SYNPR: variants seen among roughly 807,000 people sequenced by gnomAD.
The protein encoded by SYNPR is synaptoporin.
In SYNPR, 23 loss-of-function variants were observed where a neutral mutation model predicts 32.9. The ratio of observed to expected loss-of-function variants is 0.70; its 90% CI spans 0.50 to 0.99. The LOEUF is 0.99. Among genes scored for constraint, SYNPR ranks in the 50% least tolerant of loss-of-function variants. The probability of loss-of-function intolerance (pLI) is 0.00; values close to 1 mark genes in which losing one functional copy is unlikely to be tolerated. For synonymous variants in SYNPR, 146 were observed against 135.9 expected (o/e 1.07, Z -0.52); for missense variants, 318 against 349.3 (o/e 0.91, Z 0.71).
chr3:63,421,493 T>A lies in SYNPR; in HGVS notation c.85-59339T>A, dbSNP rs191343604. 4.2e-3 allele frequency among the ~76,000 whole-genome samples: 641 copies of A among 151,164 alleles called. 10 individuals are homozygous for A. Among genetic ancestry groups the A allele is most frequent in the Non-Finnish European group, 5.4e-3 (368 of 67,818 alleles). ...TGAGTGAGAAAATTCAGACTAAATATATATATATAATATTATTTCATTTGT... is the reference window on the plus strand; with the variant it reads ...TGAGTGAGAAAATTCAGACTAAATAAATATATATAATATTATTTCATTTGT... On this transcript the variant is annotated intron_variant, in intron 2 of 5. Transcript: ENST00000478300.
At chr3:63,406,324 A>G (rs1038480759) in intron 2 of SYNPR, among the ~76,000 whole-genome samples, 1 of 152,182 alleles carries the variant, frequency 6.6e-6, no homozygotes, top group Non-Finnish European at 1.5e-5. Flanking sequence ...AAGAAATGTA[A>G]AAAAGAAGGA....
chr3:63,226,239 T>C (rs748866735), upstream of SYNPR, among the ~76,000 whole-genome samples: 16 of 152,132 alleles, frequency 1.1e-4, no homozygotes, highest in Non-Finnish European at 1.9e-4. Context: ...GGAACTCTTA[T>C]ACATTGTTAG....
chr3:63,547,320 G>T (rs1702425513), intron 3 of SYNPR, among the ~76,000 whole-genome samples: 1 of 151,946 alleles, frequency 6.6e-6, no homozygotes, highest in South Asian at 2.1e-4. Context: ...CCAATTGCTG[G>T]AGTCTTCTCT....
intron 1 of SYNPR, among the ~76,000 whole-genome samples, chr3:63,251,655 C>T (rs982993105): frequency 6.6e-6 from 1 of 152,110 alleles, no homozygotes; most frequent in Non-Finnish European, 1.5e-5. Context: ...TCAAAGAGAT[C>T]TGCAGGTTCT....
At chr3:63,385,872 A>G (rs193200143) in intron 2 of SYNPR, among the ~76,000 whole-genome samples, 6 of 152,322 alleles carry the variant, frequency 3.9e-5, no homozygotes, top group African/African-American at 1.4e-4. Context: ...CTATTGAGAC[A>G]AAACAAATGG....
chr3:63,310,994 T>C (rs1199330461), intron 2 of SYNPR, among the ~76,000 whole-genome samples: 1 of 64,270 alleles, frequency 1.6e-5, no homozygotes, highest in Non-Finnish European at 4.7e-5. Flanking sequence ...AGAAAACACA[T>C]AGATGTCATT....
chr3:63,481,449 ATATGTG>A (rs1701046294), intron 3 of SYNPR, among the ~76,000 whole-genome samples: 4 of 147,940 alleles, frequency 2.7e-5, no homozygotes, highest in South Asian at 2.2e-4. Flanking sequence ...ATATATATAT[ATATGTG>A]TGTGTGTGTG....
At chr3:63,220,408 T>G in the SYNPR span, among the ~76,000 whole-genome samples, 1 of 152,182 alleles carries the variant, frequency 6.6e-6, no homozygotes, top group Non-Finnish European at 1.5e-5. Context: ...TTCCTGGGGC[T>G]GTCCTTGAAG....
intron 2 of SYNPR, among the ~76,000 whole-genome samples, chr3:63,328,001 G>A (rs1233987202): frequency 1.3e-5 from 2 of 152,134 alleles, no homozygotes; most frequent in African/African-American, 4.8e-5. Context: ...AATATTGTTA[G>A]CAAATTAATT....
intron 2 of SYNPR, among the ~76,000 whole-genome samples, chr3:63,460,363 C>T (rs1162787795): frequency 1.1e-4 from 16 of 152,028 alleles, no homozygotes; most frequent in African/African-American, 3.1e-4. Context: ...TCTTCTCACC[C>T]TGACTGCCCT....
chr3:63,421,682 C>T (rs1430040219), intron 2 of SYNPR, among the ~76,000 whole-genome samples: 3 of 152,124 alleles, frequency 2.0e-5, no homozygotes, highest in Non-Finnish European at 4.4e-5. Context: ...CAAGAGTTAC[C>T]CAGGCACTCT....
chr3:63,253,161 G>A (rs2086348757), intron 2 of SYNPR, among the ~76,000 whole-genome samples: 1 of 151,652 alleles, frequency 6.6e-6, no homozygotes, highest in Non-Finnish European at 1.5e-5. Flanking sequence ...TCTTTTGAAT[G>A]TTCAGATGCC....
At chr3:63,566,341 T>C (rs1702788557) in intron 4 of SYNPR, among the ~76,000 whole-genome samples, 1 of 152,196 alleles carries the variant, frequency 6.6e-6, no homozygotes, top group Admixed American at 6.5e-5. Flanking sequence ...CTTGTATTGA[T>C]TTTTCCTTGT....
intron 3 of SYNPR, among the ~76,000 whole-genome samples, chr3:63,555,557 C>G (rs932123246): frequency 6.6e-6 from 1 of 152,004 alleles, no homozygotes. Context: ...GAAAGTATTG[C>G]CCAAAGCATC....
chr3:63,593,713 TTGAC>T (rs1430392296), intron 4 of SYNPR, among the ~76,000 whole-genome samples: 1 of 152,192 alleles, frequency 6.6e-6, no homozygotes, highest in African/African-American at 2.4e-5. Context: ...AACAAGATGA[TTGAC>T]TATTACCCAG....
intron 2 of SYNPR, among the ~76,000 whole-genome samples, chr3:63,315,184 G>C (rs1247829983): frequency 1.4e-5 from 2 of 140,032 alleles, no homozygotes; most frequent in East Asian, 3.9e-4. Flanking sequence ...TTCCAGATTT[G>C]TTCTTTTTGC....
At chr3:63,601,930 C>T (rs1428906865) in intron 4 of SYNPR, among the ~76,000 whole-genome samples, 1 of 152,170 alleles carries the variant, frequency 6.6e-6, no homozygotes, top group Non-Finnish European at 1.5e-5. Flanking sequence ...AATGGTTGAA[C>T]TAGTTTACGC....
chr3:63,420,327 ATAT>A (rs764310309), intron 2 of SYNPR, among the ~76,000 whole-genome samples: 2 of 152,214 alleles, frequency 1.3e-5, no homozygotes, highest in African/African-American at 2.4e-5. Flanking sequence ...TATAGCAAGG[ATAT>A]TATAATTAAA....
intron 3 of SYNPR, among the ~76,000 whole-genome samples, chr3:63,521,607 T>G (rs925522107): frequency 6.6e-6 from 1 of 152,178 alleles, no homozygotes; most frequent in Admixed American, 6.5e-5. Context: ...GTCACTACGT[T>G]GGAGTATTTT....
Sources: gnomAD v4.1 joint callset for allele counts (sites outside exome capture counted in the v4.1 genomes callset) on GRCh38, gnomAD v4.1.1 for gene constraint, MANE v1.5 for transcripts, NCBI Gene and HGNC (gene_info 2026-07-23, HGNC 2026-07-21) for gene names.